The following SORCS3 variants were observed in gnomAD, a reference collection of about 807,000 sequenced individuals.
SORCS3 encodes the protein VPS10 domain-containing receptor SorCS3.
In SORCS3, 57 loss-of-function variants were observed where a neutral mutation model predicts 146.3. The observed-to-expected ratio is 0.39, with a 90% CI of 0.31 to 0.49. The LOEUF (loss-of-function observed/expected upper bound fraction) is 0.49, where lower values mean the gene tolerates loss of function less well. Among genes scored for constraint, SORCS3 ranks in the 20% least tolerant of loss-of-function variants. The pLI is 0.92. For synonymous variants in SORCS3, 653 were observed against 618.5 expected, an observed-to-expected ratio of 1.06 and a Z score of -0.83; for missense variants, 1,341 against 1,575.5, an observed-to-expected ratio of 0.85 and a Z score of 2.52.
chr10:104,853,601 G>A (rs2018297251), intron 2 of SORCS3, among the ~76,000 whole-genome samples: 1 of 152,170 alleles, frequency 6.6e-6, no homozygotes, highest in South Asian at 2.1e-4. Context: ...TTAAATTCCT[G>A]GAAGAGAAAA....
intron 8 of SORCS3, among the ~76,000 whole-genome samples, chr10:105,143,571 A>G (rs534214474): frequency 1.7e-4 from 26 of 152,204 alleles, no homozygotes; most frequent in Non-Finnish European, 2.4e-4. Flanking sequence ...TGTTTCTTCA[A>G]TAGTCTTTTG....
intron 5 of SORCS3, among the ~76,000 whole-genome samples, chr10:105,077,569 G>C (rs1032816646): frequency 2.9e-5 from 4 of 140,264 alleles, no homozygotes; most frequent in Admixed American, 1.4e-4. Flanking sequence ...CACACACAGA[G>C]GGATGGTATT....
intron 1 of SORCS3, among the ~76,000 whole-genome samples, chr10:104,798,699 G>A (rs1471038762): frequency 6.6e-6 from 1 of 152,096 alleles, no homozygotes; most frequent in East Asian, 1.9e-4. Flanking sequence ...CATTGAAAAT[G>A]GGATCTAATT....
intron 3 of SORCS3, among the ~76,000 whole-genome samples, chr10:104,963,302 A>G (rs887114089): frequency 2.0e-5 from 3 of 152,194 alleles, no homozygotes; most frequent in African/African-American, 7.2e-5. Flanking sequence ...CAGTCTGCCT[A>G]GCTCACTCCA....
rs115544757 is a variant in SORCS3, at chr10:104,858,157, A to G, written c.695+15298A>G. The stretch of plus-strand genomic sequence containing the variant: ...TCTTGTGTAATAATTTTACTAATAA[A>G]AAATGTTTTTCCAAAGCTTGAAAAA... On this transcript the variant is annotated intron_variant, in intron 2 of 26. Transcript: ENST00000369701. Among the ~76,000 whole-genome samples, 779 of 152,340 alleles carry G rather than the reference A, an allele frequency of 5.1e-3. 8 individuals carry two copies. The highest frequency in any genetic ancestry group is 0.018 in the African/African-American group (763 of 41,562).
At chr10:104,703,718 T>G (rs1234059871) in intron 1 of SORCS3, among the ~76,000 whole-genome samples, 3 of 150,974 alleles carry the variant, frequency 2.0e-5, no homozygotes, top group Non-Finnish European at 4.4e-5. Context: ...CCTGTTTTTT[T>G]TTTTTTTTTT....
chr10:105,253,029 G>A (rs1257405844), intron 23 of SORCS3, 123 bp downstream of exon 23: 1 of 1,141,296 alleles, frequency 8.8e-7, no homozygotes, highest in Non-Finnish European at 1.2e-6. Flanking sequence ...CCAAGGTTTT[G>A]AAGAGCAATC....
intron 3 of SORCS3, among the ~76,000 whole-genome samples, chr10:104,940,216 ATATATATATATATATATATATATT>A (rs2019298653): frequency 6.8e-5 from 1 of 14,770 alleles, no homozygotes; most frequent in Non-Finnish European, 1.3e-4. Flanking sequence ...ATATATATAT[ATATATATATATATATATATATATT>A]TTTTTTTTTT....
chr10:104,871,019 A>G (rs2018513700), intron 2 of SORCS3, among the ~76,000 whole-genome samples: 1 of 152,130 alleles, frequency 6.6e-6, no homozygotes, highest in African/African-American at 2.4e-5. Flanking sequence ...AGCCCTCCAT[A>G]CTCATGGGGG....
intron 6 of SORCS3, among the ~76,000 whole-genome samples, chr10:105,099,285 A>G (rs1041470324): frequency 9.2e-5 from 14 of 152,326 alleles, no homozygotes; most frequent in African/African-American, 3.4e-4. Flanking sequence ...GAGAAGGCCT[A>G]AAGAGCTGAA....
intron 7 of SORCS3, among the ~76,000 whole-genome samples, chr10:105,105,960 C>A (rs549982845): frequency 6.6e-6 from 1 of 152,250 alleles, no homozygotes; most frequent in East Asian, 1.9e-4. Context: ...GTGCTGACTA[C>A]CTTCTCAATG....
At chr10:105,148,630 A>G (rs774382502) in intron 9 of SORCS3, among the ~76,000 whole-genome samples, 12 of 152,002 alleles carry the variant, frequency 7.9e-5, no homozygotes, top group Non-Finnish European at 1.6e-4. Context: ...ACAGACTGTG[A>G]TGGTTGAGAT....
intron 1 of SORCS3, among the ~76,000 whole-genome samples, chr10:104,696,603 TTA>T (rs1491505339): frequency 9.5e-5 from 8 of 83,858 alleles, no homozygotes; most frequent in Non-Finnish European, 1.7e-4. Flanking sequence ...TACGTATATA[TTA>T]TATATAATAT....
intron 19 of SORCS3, among the ~76,000 whole-genome samples, chr10:105,218,235 T>C (rs1438614181): frequency 6.6e-6 from 1 of 152,226 alleles, no homozygotes; most frequent in African/African-American, 2.4e-5. Flanking sequence ...CCAGGCTACA[T>C]GGCCATGAGA....
intron 4 of SORCS3, among the ~76,000 whole-genome samples, chr10:105,036,313 G>A (rs1372081758): frequency 8.5e-5 from 13 of 152,104 alleles, no homozygotes; most frequent in East Asian, 1.9e-4. Context: ...TTCTACCTCC[G>A]TTGGCACGAG....
At chr10:105,195,028 G>A (rs573459770) in intron 14 of SORCS3, among the ~76,000 whole-genome samples, 5 of 152,210 alleles carry the variant, frequency 3.3e-5, no homozygotes, top group Non-Finnish European at 7.3e-5. Flanking sequence ...AGTGTTGCCA[G>A]AGGAATCACA....
At chr10:104,853,831 C>G (rs1043159464) in intron 2 of SORCS3, among the ~76,000 whole-genome samples, 26 of 152,294 alleles carry the variant, frequency 1.7e-4, no homozygotes, top group African/African-American at 5.3e-4. Flanking sequence ...TTTTAAAGAA[C>G]ATCCCTCCAA....
Position 105,178,167 on chromosome 10 carries a change from TC to T in SORCS3, c.2004del (p.Met669Ter). 1 of 1,610,318 alleles carries T rather than the reference TC, an allele frequency of 6.2e-7. No homozygotes were observed. The highest frequency in any genetic ancestry group is 8.5e-7 in the Non-Finnish European group (1 of 1,177,314). On this transcript the variant is annotated frameshift_variant, in exon 14 of 27. Transcript: ENST00000369701. LOFTEE classifies it high-confidence loss of function. ...ALVEAGMETH[I>X]MTVFGHFSLR... The stretch of plus-strand genomic sequence containing the variant: ...GTGGAGGCAGGAATGGAGACCCACA[TC>T]ATGACGTGAGTACTTCTTTTGCTGT...
intron 20 of SORCS3, among the ~76,000 whole-genome samples, chr10:105,231,874 A>AT (rs1322402649): frequency 2.0e-5 from 3 of 152,094 alleles, no homozygotes; most frequent in African/African-American, 4.8e-5. Context: ...ATGTAGTATA[A>AT]TTTTTTATAC....
Sources: allele counts gnomAD v4.1 joint callset (sites outside exome capture counted in the v4.1 genomes callset), GRCh38; gene constraint gnomAD v4.1.1; transcripts MANE v1.5; gene names NCBI Gene and HGNC (gene_info 2026-07-23, HGNC 2026-07-21).